The following OSBP2 variants were observed in gnomAD, a reference collection of about 807,000 sequenced individuals.
OSBP2 encodes the protein oxysterol binding protein 2.
Under a neutral mutation model 96.0 loss-of-function variants are expected in OSBP2, and 66 were observed. The ratio of observed to expected loss-of-function variants is 0.69; its 90% confidence interval spans 0.56 to 0.84. The LOEUF is 0.84. Ranked by LOEUF, OSBP2 falls within the 40% of genes least tolerant of loss-of-function variation. The probability of loss-of-function intolerance (pLI) is 0.00; values close to 1 mark genes in which losing one functional copy is unlikely to be tolerated. For missense variants in OSBP2, 1,038 were observed against 1,222.7 expected, an observed-to-expected ratio of 0.85 and a Z score of 2.25; for synonymous variants, 525 against 520.9, an observed-to-expected ratio of 1.01 and a Z score of -0.11.
intron 1 of OSBP2, among the ~76,000 whole-genome samples, chr22:30,740,611 A>T (rs538941762): frequency 3.2e-4 from 48 of 152,282 alleles, no homozygotes; most frequent in Middle Eastern, 6.8e-3. Context: ...AGCAAGATGG[A>T]GTCAGTTAAG....
rs144682221 is a variant in OSBP2, at chr22:30,743,418, G to A, written c.853+2049G>A. ...AGGTGTCAGCACTCATGTAGCTCTC[G>A]TATGTCAGCAATGATGCTGAGCTTG... On this transcript the variant is annotated intron_variant, in intron 2 of 13. Coordinates refer to ENST00000332585, the MANE Select transcript of OSBP2 (RefSeq NM_030758.4). Among the ~76,000 whole-genome samples, 538 of 152,292 alleles carry A rather than the reference G, an allele frequency of 3.5e-3. 5 individuals carry two copies. Among genetic ancestry groups the A allele is most frequent in the Non-Finnish European group, 5.5e-3 (373 of 68,032 alleles).
intron 12 of OSBP2, among the ~76,000 whole-genome samples, chr22:30,897,810 C>T (rs745559155): frequency 3.9e-5 from 6 of 151,966 alleles, no homozygotes; most frequent in Non-Finnish European, 8.8e-5. Context: ...ATTAGCCGAG[C>T]GTGGTGGCAC....
intron 2 of OSBP2, among the ~76,000 whole-genome samples, chr22:30,815,019 C>T (rs551784008): frequency 2.6e-5 from 4 of 152,176 alleles, no homozygotes; most frequent in Non-Finnish European, 4.4e-5. Context: ...CGGTGGCTCA[C>T]ACCTGTAATC....
intron 2 of OSBP2, among the ~76,000 whole-genome samples, chr22:30,790,520 C>T (rs866160475): frequency 2.0e-5 from 3 of 151,914 alleles, no homozygotes; most frequent in Admixed American, 6.6e-5. Context: ...TGTGTGTGTG[C>T]GCACACACAT....
intron 1 of OSBP2, among the ~76,000 whole-genome samples, chr22:30,719,622 C>T (rs756847572): frequency 2.0e-5 from 3 of 151,428 alleles, no homozygotes; most frequent in Non-Finnish European, 1.5e-5. Context: ...GGAGTGGTGG[C>T]GCACCCCGGT....
At chr22:30,694,308 A>G (rs1446783616), upstream of OSBP2, 2 of 1,549,060 alleles carry the variant, frequency 1.3e-6, no homozygotes, top group Non-Finnish European at 1.7e-6. Context: ...ACTTGGGGCC[A>G]CCGCTTCTGG....
intron 2 of OSBP2, among the ~76,000 whole-genome samples, chr22:30,748,432 T>C (rs2090034643): frequency 6.6e-6 from 1 of 152,176 alleles, no homozygotes; most frequent in Admixed American, 6.5e-5. Flanking sequence ...ATCTCCTCAA[T>C]AGAACCTAAG....
chr22:30,807,929 G>T (rs960702307), intron 2 of OSBP2, among the ~76,000 whole-genome samples: 1 of 152,128 alleles, frequency 6.6e-6, no homozygotes, highest in Non-Finnish European at 1.5e-5. Context: ...GGGACTACAG[G>T]CACAGGCCAC....
rs2040248742 is a variant in OSBP2 at position 30,902,913 on chromosome 22, G to C, written c.2376-2924G>C. On this transcript the variant is annotated intron_variant, in intron 12 of 13. Coordinates refer to ENST00000332585, the MANE Select transcript of OSBP2 (RefSeq NM_030758.4). Reference sequence around the variant, plus strand: ...CCTCCCCACAGTGGAAACACAGCTTGTTGTGAGTGCATGCCAGCTGTCAAC... The same window carrying C: ...CCTCCCCACAGTGGAAACACAGCTTCTTGTGAGTGCATGCCAGCTGTCAAC... 4 of 247,236 alleles carry C rather than the reference G, an allele frequency of 1.6e-5. No homozygotes were observed. In the South Asian group the frequency reaches 2.4e-4, roughly 15 times the overall value. The allele number at this position is 247,236 out of a possible 1,614,324, so 15.3% of individuals were successfully genotyped here.
At chr22:30,742,460 T>C (rs372101104) in intron 2 of OSBP2, among the ~76,000 whole-genome samples, 5 of 152,084 alleles carry the variant, frequency 3.3e-5, no homozygotes, top group East Asian at 1.9e-4. Context: ...CAACAGCTTC[T>C]AAATCCTACA....
intron 2 of OSBP2, among the ~76,000 whole-genome samples, chr22:30,856,219 C>T (rs992896165): frequency 6.6e-6 from 1 of 152,130 alleles, no homozygotes; most frequent in African/African-American, 2.4e-5. Context: ...CTTCACCCCT[C>T]CATCTCTCCA....
At position 30,890,616 on chromosome 22, in the gene OSBP2, AC is replaced by A; in HGVS notation, c.1624-111del. On this transcript the variant is annotated intron_variant, in intron 7 of 13. Transcript: ENST00000332585. The surrounding 1 kb of genome is among the most constrained non-coding windows in gnomAD (Gnocchi z 4.4). ...TGGACAGGGCCATCTGAGGAGCCTC[AC>A]TGTGAAGGTGCTGTCTGAGCAGGGA... 1 of 1,199,130 alleles carries A rather than the reference AC, an allele frequency of 8.3e-7. No homozygotes were observed. Among genetic ancestry groups the A allele is most frequent in the Admixed American group, 1.9e-5 (1 of 53,632 alleles). The allele number at this position is 1,199,130 out of a possible 1,614,324, so 74.3% of individuals were successfully genotyped here.
At chr22:30,885,610 T>G (rs2039793177) in intron 3 of OSBP2, among the ~76,000 whole-genome samples, 1 of 152,188 alleles carries the variant, frequency 6.6e-6, no homozygotes, top group Non-Finnish European at 1.5e-5. Flanking sequence ...ACCAATTACC[T>G]CTCTGAGCTG....
In OSBP2 at chr22:30,906,430, C is replaced by T. The variant is rs968327290; in HGVS notation, c.*91C>T. 31 of 1,376,850 alleles carry T rather than the reference C, an allele frequency of 2.3e-5. No individual in the cohort carries two copies. The highest frequency in any genetic ancestry group is 2.6e-5 in the Non-Finnish European group (27 of 1,032,250). 85.3% of individuals were successfully genotyped at this position (1,376,850 alleles called of 1,614,324 possible). A position where few individuals can be genotyped will look rare whatever the true frequency, so the allele number is the denominator to read the frequency against. On this transcript the variant is annotated 3_prime_UTR_variant, in exon 14 of 14. Coordinates refer to ENST00000332585, the MANE Select transcript of OSBP2 (RefSeq NM_030758.4). Reference sequence around the variant, plus strand: ...ATTTAGTACTGAATGGTCTTTCTCCCAGCCCATTCCCAGCCCTTCCTATTT... The same window carrying T: ...ATTTAGTACTGAATGGTCTTTCTCCTAGCCCATTCCCAGCCCTTCCTATTT...
At chr22:30,789,106 C>T (rs945849448) in intron 2 of OSBP2, among the ~76,000 whole-genome samples, 2 of 152,184 alleles carry the variant, frequency 1.3e-5, no homozygotes, top group African/African-American at 4.8e-5. Flanking sequence ...TATAGTATGT[C>T]TGGAGAGTCA....
intron 1 of OSBP2, among the ~76,000 whole-genome samples, chr22:30,697,524 G>A (rs933762903): frequency 3.3e-5 from 5 of 152,142 alleles, no homozygotes; most frequent in African/African-American, 7.2e-5. Context: ...TGATCTGCCC[G>A]TCTCAGCCTC....
At chr22:30,891,286 C>T (rs188296963) in intron 8 of OSBP2, among the ~76,000 whole-genome samples, 19 of 152,266 alleles carry the variant, frequency 1.2e-4, no homozygotes, top group Admixed American at 6.5e-5. Flanking sequence ...CATCTGTGGG[C>T]ACTGCTGGGG....
intron 1 of OSBP2, among the ~76,000 whole-genome samples, chr22:30,718,117 C>G (rs754853489): frequency 6.6e-6 from 1 of 152,094 alleles, no homozygotes; most frequent in Non-Finnish European, 1.5e-5. Flanking sequence ...CACAGCATCC[C>G]AGCTTGAGCC....
chr22:30,723,622 C>T (rs950067208), intron 1 of OSBP2, among the ~76,000 whole-genome samples: 1 of 152,042 alleles, frequency 6.6e-6, no homozygotes, highest in Admixed American at 6.6e-5. Context: ...CCATGTTGGC[C>T]AGGCTGGTCT....
Sources: gnomAD v4.1 joint callset for allele counts (sites outside exome capture counted in the v4.1 genomes callset) on GRCh38, gnomAD v4.1.1 for gene constraint, Gnocchi (gnomAD v3.1) non-coding constraint, MANE v1.5 for transcripts, NCBI Gene and HGNC (gene_info 2026-07-23, HGNC 2026-07-21) for gene names.